Variants in PPP4R3A observed in about 807,000 individuals in gnomAD.
The protein encoded by PPP4R3A is serine/threonine-protein phosphatase 4 regulatory subunit 3A.
A neutral mutation model predicts 91.7 loss-of-function variants in PPP4R3A; 15 were observed. The ratio of observed to expected loss-of-function variants is 0.16; its 90% CI spans 0.11 to 0.25. The LOEUF (loss-of-function observed/expected upper bound fraction) is 0.25. PPP4R3A is among the 10% of genes least tolerant of loss of function. PPP4R3A has a pLI of 1.00. For missense variants in PPP4R3A, 623 were observed against 998.4 expected, an observed-to-expected ratio of 0.62 and a Z score of 5.07; for synonymous variants, 377 against 348.7, an observed-to-expected ratio of 1.08 and a Z score of -0.91.
chr14:91,468,799 A>T (rs560024833), intron 10 of PPP4R3A, among the ~76,000 whole-genome samples: 5 of 151,288 alleles, frequency 3.3e-5, no homozygotes, highest in African/African-American at 1.2e-4. Context: ...ATACTCTCCC[A>T]TGACCAAGAC....
chr14:91,498,050 G>C (rs1890692810), intron 1 of PPP4R3A, among the ~76,000 whole-genome samples: 1 of 152,148 alleles, frequency 6.6e-6, no homozygotes, highest in African/African-American at 2.4e-5. Flanking sequence ...ATTTGTAAAA[G>C]TAGGCCAGGC....
At chr14:91,472,863 C>T (rs1888940998) in intron 9 of PPP4R3A, among the ~76,000 whole-genome samples, 170 bp downstream of exon 9, 1 of 115,212 alleles carries the variant, frequency 8.7e-6, no homozygotes, top group Non-Finnish European at 1.9e-5. Flanking sequence ...TTATTAAGAC[C>T]TCTATGTTAA....
At position 91,509,755 on chromosome 14, in the gene PPP4R3A, C is replaced by A; in HGVS notation, c.-108G>T. The A allele has an allele frequency of 4.5e-6, 6 of 1,321,304 alleles. No homozygotes were observed. Among genetic ancestry groups the A allele is most frequent in the Non-Finnish European group, 5.8e-6 (6 of 1,041,510 alleles). 81.8% of individuals were successfully genotyped at this position (1,321,304 alleles called of 1,614,324 possible). On this transcript the variant is annotated 5_prime_UTR_variant, in exon 1 of 15. Coordinates refer to ENST00000554943, the MANE Select transcript of PPP4R3A (RefSeq NM_001366432.2). ...AGGGCGCCCGCGAGCGGAGGGCTCCCCGGCCTCACTGCCGCCGCTGGGCGC... is the reference window on the plus strand; with the variant it reads ...AGGGCGCCCGCGAGCGGAGGGCTCCACGGCCTCACTGCCGCCGCTGGGCGC...
chr14:91,482,086 A>G lies in PPP4R3A; in HGVS notation c.405T>C (p.Cys135=). The change falls in exon 4 of 15, where the codon TGT becomes TGC. Residue 135 remains cysteine (C), a synonymous_variant. Transcript: ENST00000554943. ...MSSPGLELPS[C]ELSRLEEIAE... The stretch of plus-strand genomic sequence containing the variant: ...CAATTTCTTCAAGGCGACTTAATTC[A>G]CAAGATGGCAATTCTAAGCCTGGCG... 1 of 1,614,162 alleles carries G rather than the reference A, an allele frequency of 6.2e-7. No homozygotes were observed. Among genetic ancestry groups the G allele is most frequent in the Non-Finnish European group, 8.5e-7 (1 of 1,180,050 alleles).
At chr14:91,462,664 C>G (rs1189957452) in intron 12 of PPP4R3A, 71 bp downstream of exon 12, 2 of 1,549,410 alleles carry the variant, frequency 1.3e-6, no homozygotes, top group African/African-American at 2.7e-5. Flanking sequence ...CAAATAATAT[C>G]AAATAAACAA....
chr14:91,483,700 A>G (rs1889706857), intron 3 of PPP4R3A, among the ~76,000 whole-genome samples: 1 of 152,212 alleles, frequency 6.6e-6, no homozygotes, highest in Admixed American at 6.5e-5. Context: ...GATCTAGAAA[A>G]TGATTGAGAA....
At chr14:91,483,056 T>C (rs1462087370) in intron 3 of PPP4R3A, among the ~76,000 whole-genome samples, 2 of 152,202 alleles carry the variant, frequency 1.3e-5, no homozygotes, top group African/African-American at 4.8e-5. Context: ...TTTATGCCAC[T>C]GGAGGGGCTC....
intron 14 of PPP4R3A, among the ~76,000 whole-genome samples, chr14:91,460,932 T>C (rs1174450603): frequency 6.6e-6 from 1 of 152,186 alleles, no homozygotes; most frequent in Non-Finnish European, 1.5e-5. Flanking sequence ...GTTCATTTCT[T>C]ATATGAAATG....
chr14:91,462,238 T>G lies in PPP4R3A; in HGVS notation c.1975A>C (p.Met659Leu). 1 of 1,580,720 alleles carries G rather than the reference T, an allele frequency of 6.3e-7. No homozygotes were observed. The highest frequency in any genetic ancestry group is 8.6e-7 in the Non-Finnish European group (1 of 1,168,244). The change falls in exon 13 of 15, where the codon ATG (methionine) becomes CTG (leucine). Residue 659 changes from methionine (M) to leucine (L), a missense_variant and splice_region_variant. Around this residue, in one of 5 missense-constraint regions of PPP4R3A, gnomAD observed 201 missense variants for 229.9 expected, o/e 0.87. Transcript: ENST00000554943. ...ERQDNPKLDSMRSILRNHRYR... is the reference protein window; with the variant it reads ...ERQDNPKLDSLRSILRNHRYR... ...CTGTGATTCCTCAAAATGGAACGCA[T>G]ACTATGAGTAGGGAAGAAAGAGTAA...
rs752287387 is a variant in PPP4R3A, at chr14:91,482,129, C to T, written c.362G>A (p.Arg121His). The part of the protein sequence containing the change: ...QDLVDESEEE[R>H]FDDMSSPGLE... ...GCCTGGCGATGACATATCATCAAAA[C>T]GCTCCTCTTCAGATTCATCCACAAG... Residue 121 changes from arginine to histidine, a missense_variant, in exon 4 of 15, where the codon CGT becomes CAT. This residue lies in a region of PPP4R3A where 20 missense variants were observed against 75.6 expected (regional missense o/e 0.26). Transcript: ENST00000554943. 1.2e-5 allele frequency: 19 copies of T among 1,614,086 alleles called. No individual in the cohort carries two copies. The highest frequency in any genetic ancestry group is 1.7e-5 in the Admixed American group (1 of 60,018).
chr14:91,492,962 C>G (rs1375867885), intron 1 of PPP4R3A, among the ~76,000 whole-genome samples: 1 of 152,176 alleles, frequency 6.6e-6, no homozygotes, highest in Non-Finnish European at 1.5e-5. Context: ...TGCGGTGGCT[C>G]ACACCTATAA....
intron 1 of PPP4R3A, among the ~76,000 whole-genome samples, chr14:91,508,223 C>A (rs1254320638): frequency 6.6e-6 from 1 of 152,194 alleles, no homozygotes; most frequent in African/African-American, 2.4e-5. Context: ...AAAATAATTT[C>A]TCTCCAGATT....
chr14:91,506,079 G>A (rs1445680380), intron 1 of PPP4R3A, among the ~76,000 whole-genome samples: 1 of 151,918 alleles, frequency 6.6e-6, no homozygotes, highest in Non-Finnish European at 1.5e-5. Flanking sequence ...CTGAGCAGCT[G>A]GGACTACAGG....
At chr14:91,479,610 C>G (rs1889431274) in intron 4 of PPP4R3A, among the ~76,000 whole-genome samples, 1 of 151,984 alleles carries the variant, frequency 6.6e-6, no homozygotes. Flanking sequence ...ATGGTGTGAT[C>G]TCAGCTCACT....
At chr14:91,492,257 T>A (rs902612753) in intron 1 of PPP4R3A, among the ~76,000 whole-genome samples, 3 of 152,168 alleles carry the variant, frequency 2.0e-5, no homozygotes, top group African/African-American at 7.2e-5. Flanking sequence ...CCCAAAATAT[T>A]TGAGAAAAAG....
chr14:91,473,807 T>A lies in PPP4R3A; in HGVS notation c.1267-437A>T, dbSNP rs561265604. On this transcript the variant is annotated intron_variant, in intron 7 of 14. Transcript: ENST00000554943. ...TTTTTTTGAGACGGAGTTTGCCTCT[T>A]GTTGCCCAGGCTGGAGTGCAATGGC... is the stretch of plus-strand genomic sequence containing the variant. Among the ~76,000 whole-genome samples the A allele has an allele frequency of 5.9e-5, 9 of 151,564 alleles. No homozygotes were observed. In the East Asian group the frequency reaches 1.6e-3, roughly 26 times the overall value.
chr14:91,481,544 T>G (rs1889560697), intron 4 of PPP4R3A, 32 bp downstream of exon 4: 3 of 1,507,304 alleles, frequency 2.0e-6, no homozygotes, highest in African/African-American at 1.4e-5. Context: ...CTGCATCTCT[T>G]GAAATATGAA....
In PPP4R3A at chr14:91,510,199, C is replaced by T. The variant is rs1052734720; in HGVS notation, c.-552G>A. On this transcript the variant is annotated 5_prime_UTR_variant, in exon 1 of 15. Transcript: ENST00000554943. ...CCGGGAGACTCTGAGGGCCCCCGGC[C>T]GCCCAAGCGACCCGGACTAGTGGAA... 3.3e-5 allele frequency: 5 copies of T among 153,398 alleles called. No homozygotes were observed. Among genetic ancestry groups the T allele is most frequent in the Admixed American group, 6.5e-5 (1 of 15,290 alleles). The allele number at this position is 153,398 out of a possible 1,614,324, so 9.5% of individuals were successfully genotyped here.
At chr14:91,483,904 T>C (rs549256700) in intron 3 of PPP4R3A, among the ~76,000 whole-genome samples, 14 of 152,310 alleles carry the variant, frequency 9.2e-5, no homozygotes, top group Admixed American at 7.8e-4. Flanking sequence ...GAGCCAGGCA[T>C]GACAATGACA....
Sources: gnomAD v4.1 joint callset for allele counts (sites outside exome capture counted in the v4.1 genomes callset) on GRCh38, gnomAD v4.1.1 for gene constraint, gnomAD v4.1.1 regional missense constraint, MANE v1.5 for transcripts, NCBI Gene and HGNC (gene_info 2026-07-23, HGNC 2026-07-21) for gene names.